The following MEIKIN variants were observed in gnomAD, a reference collection of about 807,000 sequenced individuals.
The protein encoded by MEIKIN is meiosis-specific kinetochore protein.
At chr5:131,876,240 TACTCATCTG>T (rs1182469434) in intron 9 of MEIKIN, among the ~76,000 whole-genome samples, 2 of 151,970 alleles carry the variant, frequency 1.3e-5, no homozygotes, top group East Asian at 3.9e-4. Flanking sequence ...TTTTGCAATC[TACTCATCTG>T]ACAAAGGGCT....
intron 9 of MEIKIN, among the ~76,000 whole-genome samples, chr5:131,875,822 G>A (rs2149627217): frequency 6.6e-6 from 1 of 152,192 alleles, no homozygotes; most frequent in Non-Finnish European, 1.5e-5. Flanking sequence ...ACAGAACACA[G>A]CACTCAGAAA....
intron 11 of MEIKIN, among the ~76,000 whole-genome samples, chr5:131,832,285 G>T (rs1749728158): frequency 6.6e-6 from 1 of 152,196 alleles, no homozygotes; most frequent in Non-Finnish European, 1.5e-5. Context: ...CTGAAATCCA[G>T]CAGGGTAGTC....
chr5:131,844,485 T>G (rs1749975027), intron 11 of MEIKIN, among the ~76,000 whole-genome samples: 1 of 152,178 alleles, frequency 6.6e-6, no homozygotes, highest in South Asian at 2.1e-4. Context: ...CCCAGCAGAC[T>G]GCCTGACTTG....
intron 6 of MEIKIN, among the ~76,000 whole-genome samples, chr5:131,920,478 A>G (rs1474136852): frequency 6.6e-6 from 1 of 152,244 alleles, no homozygotes; most frequent in Non-Finnish European, 1.5e-5. Flanking sequence ...ATCTTTTTGT[A>G]GATATTCAAA....
chr5:131,854,113 G>A (rs1750157409), intron 10 of MEIKIN, among the ~76,000 whole-genome samples: 1 of 152,140 alleles, frequency 6.6e-6, no homozygotes, highest in African/African-American at 2.4e-5. Flanking sequence ...ATAGATGAAT[G>A]GATAAACAAA....
At chr5:131,907,853 C>A (rs1206281239) in intron 8 of MEIKIN, among the ~76,000 whole-genome samples, 1 of 151,960 alleles carries the variant, frequency 6.6e-6, no homozygotes, top group Non-Finnish European at 1.5e-5. Flanking sequence ...ACCTGGGCAA[C>A]AGAGTGAGAC....
At chr5:131,907,490 C>A (rs1270094512) in intron 8 of MEIKIN, among the ~76,000 whole-genome samples, 1 of 151,122 alleles carries the variant, frequency 6.6e-6, no homozygotes, top group Non-Finnish European at 1.5e-5. Context: ...ACAACTGATA[C>A]TGCAGACATT....
At chr5:131,906,661 T>C (rs148584745) in intron 8 of MEIKIN, among the ~76,000 whole-genome samples, 1 of 152,300 alleles carries the variant, frequency 6.6e-6, no homozygotes, top group African/African-American at 2.4e-5. Context: ...GTGGTACATA[T>C]ACACCATGGA....
At chr5:131,814,652 C>G (rs1235464579) in intron 12 of MEIKIN, among the ~76,000 whole-genome samples, 1 of 152,098 alleles carries the variant, frequency 6.6e-6, no homozygotes, top group Non-Finnish European at 1.5e-5. Flanking sequence ...AAATTCTCAC[C>G]AAAGGTGATC....
At chr5:131,857,791 C>T (rs1400560605) in intron 9 of MEIKIN, among the ~76,000 whole-genome samples, 1 of 152,224 alleles carries the variant, frequency 6.6e-6, no homozygotes. Context: ...ACCATACTTC[C>T]TCTCTCCCAC....
At chr5:131,887,935 C>T (rs1407539125) in intron 8 of MEIKIN, among the ~76,000 whole-genome samples, 3 of 124,156 alleles carry the variant, frequency 2.4e-5, no homozygotes, top group Admixed American at 8.0e-5. Flanking sequence ...GTTCAATTCC[C>T]ACCTATGAGT....
chr5:131,885,368 AGAGAGAGAGAG>A (rs1750770756), intron 8 of MEIKIN, among the ~76,000 whole-genome samples: 1 of 39,448 alleles, frequency 2.5e-5, no homozygotes, highest in African/African-American at 7.2e-5. Flanking sequence ...AGAGAGAGAG[AGAGAGAGAGAG>A]AGAGAGAGAG....
chr5:131,909,793 C>A (rs1335922357), intron 8 of MEIKIN, among the ~76,000 whole-genome samples: 1 of 152,096 alleles, frequency 6.6e-6, no homozygotes, highest in Non-Finnish European at 1.5e-5. Context: ...AGAAGACATA[C>A]AAATGGCAAA....
chr5:131,845,272 T>TTAAAAAAAA (rs1749995385), intron 11 of MEIKIN, among the ~76,000 whole-genome samples: 1 of 45,350 alleles, frequency 2.2e-5, no homozygotes, highest in African/African-American at 1.4e-4. Context: ...GACTTCGTCT[T>TTAAAAAAAA]AAAAAAAAAA....
intron 8 of MEIKIN, among the ~76,000 whole-genome samples, chr5:131,888,272 G>A (rs1433675116): frequency 7.1e-6 from 1 of 141,688 alleles, no homozygotes; most frequent in Non-Finnish European, 1.5e-5. Context: ...CTAGATCCCT[G>A]AGGAATCGCC....
intron 5 of MEIKIN, among the ~76,000 whole-genome samples, chr5:131,932,546 T>C (rs1751707374): frequency 1.3e-5 from 2 of 152,222 alleles, no homozygotes; most frequent in South Asian, 4.1e-4. Context: ...ATTGTGTTTG[T>C]TGCAGAAAGC....
chr5:131,934,228 T>A (rs1275955202), intron 4 of MEIKIN, among the ~76,000 whole-genome samples: 1 of 151,814 alleles, frequency 6.6e-6, no homozygotes, highest in Non-Finnish European at 1.5e-5. Context: ...CCCAAAGTAC[T>A]AGGATTATAG....
intron 8 of MEIKIN, among the ~76,000 whole-genome samples, chr5:131,904,451 A>G (rs1329887684): frequency 6.6e-6 from 1 of 152,240 alleles, no homozygotes; most frequent in Non-Finnish European, 1.5e-5. Flanking sequence ...AAATGAAATC[A>G]TACCAACCAC....
At chr5:131,824,161 G>A (rs928396497) in intron 11 of MEIKIN, among the ~76,000 whole-genome samples, 1 of 152,174 alleles carries the variant, frequency 6.6e-6, no homozygotes, top group Admixed American at 6.5e-5. Context: ...TCCCTCCAGT[G>A]TGGTGAGTTC....
Sources: allele counts gnomAD v4.1 joint callset (sites outside exome capture counted in the v4.1 genomes callset), GRCh38; gene constraint gnomAD v4.1.1; transcripts MANE v1.5; gene names NCBI Gene and HGNC (gene_info 2026-07-23, HGNC 2026-07-21).